The following GSR variants were observed in gnomAD, a reference collection of about 807,000 sequenced individuals.
GSR encodes glutathione-disulfide reductase, also known as glutathione reductase, mitochondrial.
Under a neutral mutation model 56.5 loss-of-function variants are expected in GSR, and 48 were observed. The observed-to-expected ratio is 0.85, with a 90% CI of 0.67 to 1.08. The LOEUF is 1.08. Among genes scored for constraint, GSR ranks in the 50% least tolerant of loss-of-function variants. The probability of loss-of-function intolerance (pLI) is 0.00; values close to 1 mark genes in which losing one functional copy is unlikely to be tolerated. For synonymous variants in GSR, 264 were observed against 270.8 expected (o/e 0.97, Z 0.25); for missense variants, 694 against 703.3 (o/e 0.99, Z 0.15).
chr8:30,705,606 C>T (rs1030003479), intron 4 of GSR, among the ~76,000 whole-genome samples: 1 of 152,116 alleles, frequency 6.6e-6, no homozygotes, highest in Non-Finnish European at 1.5e-5. Context: ...TGGGACAGTG[C>T]TTATAGCCCA....
At chr8:30,718,340 T>C (rs1422423968) in intron 1 of GSR, among the ~76,000 whole-genome samples, 1 of 152,096 alleles carries the variant, frequency 6.6e-6, no homozygotes, top group Non-Finnish European at 1.5e-5. Flanking sequence ...GCTCTCCCAT[T>C]TAGTGGCTAG....
intron 6 of GSR, among the ~76,000 whole-genome samples, chr8:30,696,862 A>AGTTTTATATT: frequency 6.6e-6 from 1 of 152,090 alleles, no homozygotes; most frequent in East Asian, 1.9e-4. Flanking sequence ...CACCCAGCTA[A>AGTTTTATATT]GTTTTATATT....
rs529843323 is a variant in GSR at position 30,724,311 on chromosome 8, C to G, written c.306+3219G>C. Among the ~76,000 whole-genome samples the G allele has an allele frequency of 1.4e-3, 207 of 152,314 alleles. 1 individual carries two copies. The highest frequency in any genetic ancestry group is 4.9e-3 in the African/African-American group (202 of 41,562). ...CTATGGCTTACCACAAAACTACTTT[C>G]ACTGAGTCACTGGTTTGCTCAAACC... On this transcript the variant is annotated intron_variant, in intron 1 of 12. Coordinates refer to ENST00000221130, the MANE Select transcript of GSR (RefSeq NM_000637.5).
At chr8:30,721,198 A>G (rs903735822) in intron 1 of GSR, among the ~76,000 whole-genome samples, 2 of 152,176 alleles carry the variant, frequency 1.3e-5, no homozygotes, top group African/African-American at 2.4e-5. Context: ...AGTCCCCACT[A>G]TTACCTGATA....
In GSR at chr8:30,712,080, A is replaced by C; in HGVS notation, c.315T>G (p.Val105=). The change falls in exon 2 of 13, where the codon GTT becomes GTG. Residue 105 remains valine (V), a synonymous_variant. Coordinates refer to ENST00000221130, the MANE Select transcript of GSR (RefSeq NM_000637.5). ...ATTCTACCTTTTTGGGTACACATCC[A>C]ACATTCACCTGGAAAAAAAAAAAAG... ...SHKLGGTCVN[V]GCVPKKVMWN... is the part of the protein sequence containing the mutation. 6.9e-7 allele frequency: 1 copy of C among 1,458,994 alleles called. No individual in the cohort carries two copies. Among genetic ancestry groups the C allele is most frequent in the Non-Finnish European group, 9.6e-7 (1 of 1,044,998 alleles). The allele number at this position is 1,458,994 out of a possible 1,614,324, so 90.4% of individuals were successfully genotyped here. A position where few individuals can be genotyped will look rare whatever the true frequency, so the allele number is the denominator to read the frequency against.
intron 2 of GSR, among the ~76,000 whole-genome samples, chr8:30,711,532 T>G (rs1402246917): frequency 1.3e-5 from 2 of 152,134 alleles, no homozygotes; most frequent in Non-Finnish European, 2.9e-5. Context: ...TATCCTGTGG[T>G]GTAGATGACC....
At chr8:30,708,975 A>G (rs892057547) in intron 3 of GSR, among the ~76,000 whole-genome samples, 3 of 151,372 alleles carry the variant, frequency 2.0e-5, no homozygotes, top group South Asian at 2.1e-4. Flanking sequence ...AAAAAAAAAA[A>G]AGGTAAAAAC....
chr8:30,702,892 C>T (rs1420193222), intron 5 of GSR, among the ~76,000 whole-genome samples: 1 of 152,016 alleles, frequency 6.6e-6, no homozygotes, highest in East Asian at 1.9e-4. Flanking sequence ...GAGCCAAGAT[C>T]GTGCCACTGC....
At chr8:30,714,494 C>G (rs1320807370) in intron 1 of GSR, among the ~76,000 whole-genome samples, 1 of 151,236 alleles carries the variant, frequency 6.6e-6, no homozygotes, top group African/African-American at 2.4e-5. Context: ...AGCCATCACG[C>G]CTGGATATAC....
In GSR at chr8:30,689,241, T is replaced by A; in HGVS notation, c.961A>T (p.Thr321Ser). 1.2e-6 allele frequency: 2 copies of A among 1,613,932 alleles called. No homozygotes were observed. The highest frequency in any genetic ancestry group is 1.7e-6 in the Non-Finnish European group (2 of 1,179,822). Residue 321 changes from threonine (T) to serine (S), a missense_variant, in exon 9 of 13, where the codon ACC becomes TCC. Physicochemically the swap from Thr to Ser is moderately conservative, Grantham distance 58 (BLOSUM62 1). Transcript: ENST00000221130. ...TAVPGRLPVM[T>S]MIPDVDCLLW... ...AGGCAGTCAACATCTGGAATCATGG[T>A]CATGACTGGTAGCCTACCGGGAACT...
intron 1 of GSR, among the ~76,000 whole-genome samples, chr8:30,725,952 A>G (rs187318833): frequency 3.2e-4 from 48 of 152,172 alleles, no homozygotes; most frequent in African/African-American, 1.1e-3. Context: ...ACATTATAAC[A>G]TAAGTAGAGA....
chr8:30,686,913 T>C (rs1228245849), intron 9 of GSR, among the ~76,000 whole-genome samples: 1 of 151,338 alleles, frequency 6.6e-6, no homozygotes. Context: ...CTCGGCTCAC[T>C]GCAACCTCAG....
intron 4 of GSR, chr8:30,704,543 T>C (rs1307522748): frequency 6.6e-6 from 1 of 152,238 alleles, no homozygotes; most frequent in African/African-American, 2.4e-5. Flanking sequence ...CTTTTGGATT[T>C]GCTCTTACTG....
At chr8:30,691,003 G>A (rs1803359076) in intron 8 of GSR, among the ~76,000 whole-genome samples, 1 of 152,034 alleles carries the variant, frequency 6.6e-6, no homozygotes, top group African/African-American at 2.4e-5. Context: ...AGTGAGCAAT[G>A]ATCATGGAAC....
Position 30,727,713 on chromosome 8 carries a change from G to C in GSR, c.123C>G (p.Ser41=). The C allele has an allele frequency of 7.0e-7, 1 of 1,418,744 alleles. No individual in the cohort carries two copies. The highest frequency in any genetic ancestry group is 9.1e-7 in the Non-Finnish European group (1 of 1,093,310). 87.9% of individuals were successfully genotyped at this position (1,418,744 alleles called of 1,614,324 possible). Residue 41 remains serine (S), a synonymous_variant, in exon 1 of 13, where the codon TCC becomes TCG. Transcript: ENST00000221130. Reference sequence around the variant, plus strand: ...GCTCCTGCCTGCAGGCCATGGCACGGGAGAGGGCGCGCGTGAGGGCCGCGG... The same window carrying C: ...GCTCCTGCCTGCAGGCCATGGCACGCGAGAGGGCGCGCGTGAGGGCCGCGG... ...PEPAALTRAL[S]RAMACRQEPQ... is the part of the protein sequence containing the mutation.
chr8:30,704,655 T>C (rs1803866509), intron 4 of GSR: 1 of 152,200 alleles, frequency 6.6e-6, no homozygotes, highest in South Asian at 2.1e-4. Flanking sequence ...ACAAGAATAA[T>C]GGAACCATGT....
At chr8:30,708,216 G>A (rs1181796786) in intron 3 of GSR, 75 bp from the exon 4 acceptor site, 8 of 1,027,998 alleles carry the variant, frequency 7.8e-6, no homozygotes, top group Non-Finnish European at 1.1e-5. Context: ...ATCTGTCCCT[G>A]AACACCCCGA....
At chr8:30,714,626 T>C (rs939288047) in intron 1 of GSR, among the ~76,000 whole-genome samples, 4 of 151,630 alleles carry the variant, frequency 2.6e-5, no homozygotes, top group Admixed American at 1.3e-4. Flanking sequence ...TCCCAAAGTG[T>C]TGAGATTACA....
chr8:30,694,168 C>T (rs1419709453), intron 7 of GSR, among the ~76,000 whole-genome samples: 1 of 152,154 alleles, frequency 6.6e-6, no homozygotes, highest in African/African-American at 2.4e-5. Context: ...AGAGAAAGTT[C>T]CTTAAAGTAC....
Sources: allele counts gnomAD v4.1 joint callset (sites outside exome capture counted in the v4.1 genomes callset), GRCh38; gene constraint gnomAD v4.1.1; transcripts MANE v1.5; gene names NCBI Gene and HGNC (gene_info 2026-07-23, HGNC 2026-07-21).